The following ASIC2 variants were observed in gnomAD, a reference collection of about 807,000 sequenced individuals.
ASIC2 encodes acid-sensing ion channel 2.
Under a neutral mutation model 57.3 loss-of-function variants are expected in ASIC2, and 25 were observed. That is an observed-to-expected ratio of 0.44 (90% confidence interval 0.32 to 0.61). ASIC2 has a LOEUF of 0.61. ASIC2 is among the 20% of genes least tolerant of loss of function. The pLI is 0.06. For missense variants in ASIC2, 641 were observed against 738.1 expected (o/e 0.87, Z 1.52); for synonymous variants, 319 against 307.5 (o/e 1.04, Z -0.39).
At chr17:33,803,586 CTT>C (rs961357779) in intron 1 of ASIC2, among the ~76,000 whole-genome samples, 212 of 96,868 alleles carry the variant, frequency 2.2e-3, no homozygotes, top group African/African-American at 7.0e-3. Context: ...TTTCCCTTTT[CTT>C]TTTTTTTTTT....
chr17:34,086,005 A>G (rs1298926916), intron 1 of ASIC2, among the ~76,000 whole-genome samples: 1 of 151,368 alleles, frequency 6.6e-6, no homozygotes, highest in African/African-American at 2.4e-5. Flanking sequence ...GGATTCATTA[A>G]TTTTTTGAAG....
chr17:33,816,421 C>T (rs1175563228), intron 1 of ASIC2, among the ~76,000 whole-genome samples: 1 of 152,128 alleles, frequency 6.6e-6, no homozygotes, highest in Non-Finnish European at 1.5e-5. Context: ...TATATGTTAG[C>T]TCATGTAATT....
Position 33,665,002 on chromosome 17 carries a change from A to G in ASIC2, c.555+490976T>C, listed in dbSNP as rs192140106. Among the ~76,000 whole-genome samples the G allele has an allele frequency of 1.3e-4, 20 of 152,314 alleles. 1 individual carries two copies. In the East Asian group the frequency reaches 3.1e-3, roughly 23 times the overall value. On this transcript the variant is annotated intron_variant, in intron 1 of 9. Transcript: ENST00000359872. ...AAGTGACTCTTTGAAATATCCAAGCATATAATATCATTCATGATGTTTTGT... is the reference window on the plus strand; with the variant it reads ...AAGTGACTCTTTGAAATATCCAAGCGTATAATATCATTCATGATGTTTTGT...
intron 3 of ASIC2, among the ~76,000 whole-genome samples, chr17:33,053,721 C>T (rs2091986783): frequency 1.3e-5 from 2 of 152,270 alleles, no homozygotes; most frequent in African/African-American, 4.8e-5. Flanking sequence ...ATGGGCCTTC[C>T]TACCTCCAGT....
At chr17:33,187,767 A>G (rs1011670297) in intron 1 of ASIC2, among the ~76,000 whole-genome samples, 1 of 152,150 alleles carries the variant, frequency 6.6e-6, no homozygotes, top group Non-Finnish European at 1.5e-5. Flanking sequence ...GATCCTTGAA[A>G]GAAACCAAAT....
chr17:33,081,415 A>T (rs2092112544), intron 3 of ASIC2, among the ~76,000 whole-genome samples: 1 of 152,240 alleles, frequency 6.6e-6, no homozygotes, highest in African/African-American at 2.4e-5. Context: ...TGGTGAAGGC[A>T]ATGTCTACAC....
rs552995823 is a variant in ASIC2 at position 33,893,812 on chromosome 17, T to G, written c.555+262166A>C. 2.0e-5 allele frequency among the ~76,000 whole-genome samples: 3 copies of G among 152,334 alleles called. No individual in the cohort carries two copies. The East Asian group carries it at 5.8e-4, about 29-fold the overall frequency. On this transcript the variant is annotated intron_variant, in intron 1 of 9. Transcript: ENST00000359872. ...CAATGATGCTACATATGGCATGTGCTTTGCAACAGAAGACACTCAACAAAT... is the reference window on the plus strand; with the variant it reads ...CAATGATGCTACATATGGCATGTGCGTTGCAACAGAAGACACTCAACAAAT...
intron 1 of ASIC2, among the ~76,000 whole-genome samples, chr17:33,959,725 A>T (rs762238925): frequency 2.6e-4 from 39 of 152,234 alleles, no homozygotes; most frequent in Admixed American, 5.2e-4. Context: ...AGCTGACTAG[A>T]TGGCGCCCAC....
intron 4 of ASIC2, 94 bp from the exon 5 acceptor site, chr17:33,026,076 C>G: frequency 7.1e-7 from 1 of 1,416,774 alleles, no homozygotes; most frequent in Admixed American, 1.9e-5. Flanking sequence ...AGGGGTGCCT[C>G]CTGGCAGTTG....
intron 1 of ASIC2, among the ~76,000 whole-genome samples, chr17:34,007,228 C>T (rs1018800042): frequency 2.6e-5 from 4 of 152,160 alleles, no homozygotes; most frequent in Admixed American, 2.6e-4. Context: ...AGTTCATTCC[C>T]CTACACTTAC....
intron 1 of ASIC2, among the ~76,000 whole-genome samples, chr17:33,544,024 T>C (rs9896195): frequency 0.46 from 69,499 of 152,106 alleles, 15,978 homozygotes; most frequent in South Asian, 0.53. Context: ...CCCTTTGCAG[T>C]CAATCTGTTC....
intron 1 of ASIC2, among the ~76,000 whole-genome samples, chr17:33,882,997 A>G (rs1212425863): frequency 6.6e-6 from 1 of 152,170 alleles, no homozygotes; most frequent in Non-Finnish European, 1.5e-5. Context: ...TTCTCAGCAA[A>G]CTATTGCAAG....
At chr17:33,022,158 A>G (rs1253018033) in intron 6 of ASIC2, among the ~76,000 whole-genome samples, 4 of 152,192 alleles carry the variant, frequency 2.6e-5, no homozygotes. Context: ...GCAGCTGTTC[A>G]AAGTATCACC....
intron 1 of ASIC2, among the ~76,000 whole-genome samples, chr17:33,981,918 C>A (rs902873882): frequency 3.3e-5 from 5 of 152,212 alleles, no homozygotes; most frequent in African/African-American, 1.2e-4. Context: ...TCACTTCCGT[C>A]TGATTCCAGG....
intron 3 of ASIC2, among the ~76,000 whole-genome samples, chr17:33,051,403 C>T (rs1567727235): frequency 6.6e-6 from 1 of 152,138 alleles, no homozygotes; most frequent in Admixed American, 6.6e-5. Context: ...GAATATGATC[C>T]CATACACTGC....
intron 1 of ASIC2, among the ~76,000 whole-genome samples, chr17:33,117,336 C>T (rs574768198): frequency 4.0e-4 from 61 of 151,980 alleles, no homozygotes; most frequent in South Asian, 1.0e-3. Flanking sequence ...CCACCATGCC[C>T]GCCTAATGTT....
intron 1 of ASIC2, among the ~76,000 whole-genome samples, chr17:33,496,240 A>G (rs1376809625): frequency 6.6e-6 from 1 of 152,120 alleles, no homozygotes; most frequent in African/African-American, 2.4e-5. Context: ...ACATGAAGAG[A>G]AAGGATGGCA....
intron 3 of ASIC2, among the ~76,000 whole-genome samples, chr17:33,042,052 TCA>T (rs2091932086): frequency 6.6e-6 from 1 of 152,212 alleles, no homozygotes; most frequent in Non-Finnish European, 1.5e-5. Context: ...GCCATAATGT[TCA>T]GTTTGATGTT....
chr17:33,517,377 A>G (rs561213462), intron 1 of ASIC2, among the ~76,000 whole-genome samples: 1 of 152,274 alleles, frequency 6.6e-6, no homozygotes, highest in Non-Finnish European at 1.5e-5. Flanking sequence ...CGGCCTCCCA[A>G]AGTGCTGGGA....
Sources: allele counts gnomAD v4.1 joint callset (sites outside exome capture counted in the v4.1 genomes callset), GRCh38; gene constraint gnomAD v4.1.1; transcripts MANE v1.5; gene names NCBI Gene and HGNC (gene_info 2026-07-23, HGNC 2026-07-21).